Variants in SLIT3 observed in about 807,000 individuals in gnomAD.
SLIT3 encodes slit guidance ligand 3, also known as slit homolog 3 protein.
In SLIT3, 68 loss-of-function variants were observed where a neutral mutation model predicts 184.0. The observed-to-expected ratio is 0.37, with a 90% CI of 0.30 to 0.45. SLIT3 has a LOEUF of 0.45. Ranked by LOEUF, SLIT3 falls within the 20% of genes least tolerant of loss-of-function variation. SLIT3 has a pLI of 1.00. For missense variants in SLIT3, 1,707 were observed against 2,026.0 expected, an observed-to-expected ratio of 0.84 and a Z score of 3.02; for synonymous variants, 831 against 828.6, an observed-to-expected ratio of 1.00 and a Z score of -0.05.
At chr5:169,058,435 A>T (rs1318931204) in intron 4 of SLIT3, among the ~76,000 whole-genome samples, 1 of 152,218 alleles carries the variant, frequency 6.6e-6, no homozygotes, top group Non-Finnish European at 1.5e-5. Flanking sequence ...AACGCAGGTC[A>T]AGGAGGCAAG....
At chr5:168,958,497 G>T (rs543807430) in intron 4 of SLIT3, among the ~76,000 whole-genome samples, 1 of 152,272 alleles carries the variant, frequency 6.6e-6, no homozygotes, top group Admixed American at 6.5e-5. Context: ...TTTACAGATA[G>T]AAAGCTGAGC....
intron 4 of SLIT3, among the ~76,000 whole-genome samples, chr5:169,095,210 T>C (rs762011841): frequency 7.9e-5 from 12 of 152,228 alleles, no homozygotes; most frequent in African/African-American, 1.2e-4. Context: ...TTATTCATTG[T>C]ATAACTACTG....
chr5:169,291,813 A>G (rs1767368401), intron 1 of SLIT3, among the ~76,000 whole-genome samples: 1 of 152,226 alleles, frequency 6.6e-6, no homozygotes. Context: ...GCAGCCTCTG[A>G]GACCAGCCTG....
At chr5:169,236,524 G>A (rs1396712508) in intron 3 of SLIT3, among the ~76,000 whole-genome samples, 1 of 151,188 alleles carries the variant, frequency 6.6e-6, no homozygotes, top group South Asian at 2.1e-4. Context: ...AGGCTGGAGT[G>A]CAGTGGTGTG....
At chr5:168,841,864 A>C (rs1758266470) in intron 6 of SLIT3, among the ~76,000 whole-genome samples, 2 of 152,192 alleles carry the variant, frequency 1.3e-5, no homozygotes, top group Admixed American at 6.5e-5. Context: ...TGTCAGAGAA[A>C]ACATACCCGA....
intron 1 of SLIT3, among the ~76,000 whole-genome samples, chr5:169,288,440 CTTGCTT>C (rs1767231775): frequency 6.6e-6 from 1 of 152,026 alleles, no homozygotes; most frequent in Non-Finnish European, 1.5e-5. Flanking sequence ...GATGAGGGGG[CTTGCTT>C]TCATCAATGA....
At chr5:169,003,035 G>A (rs1037915359) in intron 4 of SLIT3, among the ~76,000 whole-genome samples, 63 of 152,100 alleles carry the variant, frequency 4.1e-4, no homozygotes, top group Non-Finnish European at 1.2e-4. Context: ...GGCTGCCTTC[G>A]CTCACAGGTT....
At chr5:169,016,407 A>G (rs1381254190) in intron 4 of SLIT3, among the ~76,000 whole-genome samples, 1 of 152,176 alleles carries the variant, frequency 6.6e-6, no homozygotes, top group Non-Finnish European at 1.5e-5. Flanking sequence ...TATCATGCTG[A>G]TTACTGGCGG....
chr5:169,241,445 G>T (rs1274036464), intron 3 of SLIT3, among the ~76,000 whole-genome samples: 1 of 152,068 alleles, frequency 6.6e-6, no homozygotes, highest in Non-Finnish European at 1.5e-5. Flanking sequence ...CTTTGTTGTA[G>T]GGCCGTCCTG....
intron 12 of SLIT3, among the ~76,000 whole-genome samples, chr5:168,780,899 C>T (rs1200547419): frequency 6.6e-6 from 1 of 152,162 alleles, no homozygotes; most frequent in Non-Finnish European, 1.5e-5. Context: ...CAGCTGATGC[C>T]ATGAATTCTG....
rs989288882 is a variant in SLIT3 at position 169,231,723 on chromosome 5, T to A, written c.341+12982A>T. The stretch of plus-strand genomic sequence containing the variant: ...TATGTACCCAAGAGTGGAAGGTACA[T>A]GTACATTCAGCTCTGATTGGTACTG... On this transcript the variant is annotated intron_variant, in intron 3 of 35. Transcript: ENST00000519560. 5.3e-5 allele frequency among the ~76,000 whole-genome samples: 8 copies of A among 152,328 alleles called. No individual in the cohort carries two copies. The East Asian group carries it at 1.5e-3, about 29-fold the overall frequency.
Position 168,661,853 on chromosome 5 carries a change from A to G in SLIT3, c.*4601T>C, listed in dbSNP as rs1582499325. On this transcript the variant is annotated 3_prime_UTR_variant, in exon 36 of 36. Transcript: ENST00000519560. ...AAAAAGAATGCATGTTATTTATTCCATACTGGGGAAGTGCCACTATAACAT... is the reference window on the plus strand; with the variant it reads ...AAAAAGAATGCATGTTATTTATTCCGTACTGGGGAAGTGCCACTATAACAT... 1.3e-5 allele frequency: 2 copies of G among 152,248 alleles called. No individual in the cohort carries two copies. The highest frequency in any genetic ancestry group is 2.4e-5 in the African/African-American group (1 of 41,464). The allele number at this position is 152,248 out of a possible 1,614,324, so 9.4% of individuals were successfully genotyped here.
intron 3 of SLIT3, among the ~76,000 whole-genome samples, chr5:169,194,960 A>G (rs1763691802): frequency 6.6e-6 from 1 of 152,198 alleles, no homozygotes; most frequent in Admixed American, 6.5e-5. Flanking sequence ...CAGCCTAGCA[A>G]GGGAAACAGG....
At chr5:169,036,969 C>A (rs1157853871) in intron 4 of SLIT3, among the ~76,000 whole-genome samples, 1 of 152,192 alleles carries the variant, frequency 6.6e-6, no homozygotes, top group South Asian at 2.1e-4. Context: ...AACCACAACA[C>A]TTAACACCTG....
chr5:169,127,742 T>C (rs554295030), intron 4 of SLIT3, among the ~76,000 whole-genome samples: 3 of 152,268 alleles, frequency 2.0e-5, no homozygotes, highest in African/African-American at 7.2e-5. Context: ...ATCAGAACTG[T>C]AGTTTTGTGG....
At chr5:169,006,803 G>A (rs1717873513) in intron 4 of SLIT3, among the ~76,000 whole-genome samples, 3 of 152,038 alleles carry the variant, frequency 2.0e-5, no homozygotes, top group South Asian at 2.1e-4. Context: ...CCACCCAACC[G>A]TTCCTGTTGC....
At chr5:169,066,743 T>C (rs887054010) in intron 4 of SLIT3, among the ~76,000 whole-genome samples, 1 of 152,248 alleles carries the variant, frequency 6.6e-6, no homozygotes, top group Middle Eastern at 3.4e-3. Flanking sequence ...AGGATATTAA[T>C]TGAAATGTTG....
In SLIT3 at chr5:168,844,700, G is replaced by A. The variant is rs761891131; in HGVS notation, c.486-45C>T. On this transcript the variant is annotated intron_variant, in intron 5 of 35. Coordinates refer to ENST00000519560, the MANE Select transcript of SLIT3 (RefSeq NM_003062.4). ...AGCATGAAGGCTGAGCGGGGGCAGC[G>A]TGAGGGGCCGGCGGCCCAGGCCACC... 1.2e-5 allele frequency: 19 copies of A among 1,589,000 alleles called. No homozygotes were observed. The East Asian group carries it at 1.6e-4, about 13-fold the overall frequency.
intron 9 of SLIT3, among the ~76,000 whole-genome samples, chr5:168,805,659 T>C (rs1396689159): frequency 6.6e-6 from 1 of 152,222 alleles, no homozygotes; most frequent in Non-Finnish European, 1.5e-5. Context: ...ATTTTTGACA[T>C]TCATGTATAC....
Sources: allele counts gnomAD v4.1 joint callset (sites outside exome capture counted in the v4.1 genomes callset), GRCh38; gene constraint gnomAD v4.1.1; transcripts MANE v1.5; gene names NCBI Gene and HGNC (gene_info 2026-07-23, HGNC 2026-07-21).